C8orf34: variants seen among roughly 807,000 people sequenced by gnomAD.
C8orf34 encodes chromosome 8 open reading frame 34.
Under a neutral mutation model 68.3 loss-of-function variants are expected in C8orf34, and 65 were observed. That is an observed-to-expected ratio of 0.95 (90% CI 0.78 to 1.17). C8orf34 has a LOEUF of 1.17. Ranked by LOEUF, C8orf34 falls within the 50% of genes most tolerant of loss-of-function variation. The pLI, the probability that C8orf34 is intolerant of heterozygous loss-of-function variation, is 0.00. For missense variants in C8orf34, 664 were observed against 655.4 expected (o/e 1.01, Z -0.14); for synonymous variants, 244 against 241.2 (o/e 1.01, Z -0.11).
chr8:68,775,085 A>T (rs1220469388), intron 10 of C8orf34, among the ~76,000 whole-genome samples: 1 of 151,078 alleles, frequency 6.6e-6, no homozygotes, highest in African/African-American at 2.4e-5. Context: ...AAAAAAAAAA[A>T]AGAAGAGTAT....
At chr8:68,747,232 T>C (rs891847110) in intron 10 of C8orf34, among the ~76,000 whole-genome samples, 1 of 151,658 alleles carries the variant, frequency 6.6e-6, no homozygotes, top group Non-Finnish European at 1.5e-5. Flanking sequence ...ATGGGACGTA[T>C]TTCAAAATAA....
chr8:68,780,962 CTTTG>C (rs759338914), intron 11 of C8orf34, among the ~76,000 whole-genome samples: 26 of 152,106 alleles, frequency 1.7e-4, no homozygotes, highest in Admixed American at 5.9e-4. Flanking sequence ...TGGAGTGTGA[CTTTG>C]TTTGTTTTAT....
chr8:68,637,482 G>A (rs1341616034), intron 7 of C8orf34, among the ~76,000 whole-genome samples: 1 of 152,058 alleles, frequency 6.6e-6, no homozygotes, highest in Non-Finnish European at 1.5e-5. Context: ...ATGTGTGCAT[G>A]AAGCAAGCAG....
intron 7 of C8orf34, among the ~76,000 whole-genome samples, chr8:68,620,795 TC>T (rs1226919997): frequency 6.6e-6 from 1 of 151,200 alleles, no homozygotes; most frequent in Non-Finnish European, 1.5e-5. Context: ...TTTTTTTTTT[TC>T]CCCCATTACC....
At chr8:68,761,822 C>T (rs1823032378) in intron 10 of C8orf34, among the ~76,000 whole-genome samples, 1 of 152,180 alleles carries the variant, frequency 6.6e-6, no homozygotes, top group African/African-American at 2.4e-5. Context: ...CTAAAATTCT[C>T]CCCTGCCTCC....
At chr8:68,641,756 T>C (rs1391117399) in intron 8 of C8orf34, among the ~76,000 whole-genome samples, 3 of 152,206 alleles carry the variant, frequency 2.0e-5, no homozygotes, top group Admixed American at 6.5e-5. Context: ...TTTTCTAATC[T>C]ATTGAGGATT....
chr8:68,806,707 C>T (rs991699055), intron 12 of C8orf34, among the ~76,000 whole-genome samples: 19 of 152,126 alleles, frequency 1.2e-4, no homozygotes, highest in Admixed American at 6.5e-5. Context: ...CTAAATCTAT[C>T]GTTTTTATAT....
At chr8:68,370,089 T>C (rs1563383731) in intron 1 of C8orf34, among the ~76,000 whole-genome samples, 1 of 152,170 alleles carries the variant, frequency 6.6e-6, no homozygotes, top group East Asian at 1.9e-4. Flanking sequence ...TTGGAAACTT[T>C]ACCAACTTGG....
chr8:68,577,107 TAC>T (rs1232016360), intron 7 of C8orf34, among the ~76,000 whole-genome samples: 2 of 152,000 alleles, frequency 1.3e-5, no homozygotes, highest in African/African-American at 2.4e-5. Flanking sequence ...TTATTAGAAA[TAC>T]AGACTCTCTT....
At chr8:68,776,575 C>T in intron 11 of C8orf34, 126 bp downstream of exon 11, 1 of 664,834 alleles carries the variant, frequency 1.5e-6, no homozygotes, top group Non-Finnish European at 2.5e-6. Flanking sequence ...TGGTCATGTC[C>T]ACAAAAACAG....
intron 1 of C8orf34, among the ~76,000 whole-genome samples, chr8:68,348,456 C>T (rs547941149): frequency 9.3e-4 from 141 of 151,832 alleles, no homozygotes; most frequent in Admixed American, 1.7e-3. Flanking sequence ...GCTTGTTTAT[C>T]GTTCCATATG....
chr8:68,468,798 A>C lies in C8orf34; in HGVS notation c.714A>C (p.Lys238Asn), dbSNP rs1221214853. 2 of 1,611,016 alleles carry C rather than the reference A, an allele frequency of 1.2e-6. No homozygotes were observed. Among genetic ancestry groups the C allele is most frequent in the Admixed American group, 1.7e-5 (1 of 59,426 alleles). The change falls in exon 4 of 14, where the codon AAA (lysine) becomes AAC (asparagine). Residue 238 changes from lysine (K) to asparagine (N), a missense_variant. Physicochemically the swap from Lys to Asn is moderately conservative, Grantham distance 94 (BLOSUM62 0). Transcript: ENST00000518698. ...HILQESKKLG[K>N]ALENLSRSIA... ...TTCAGGAGAGCAAGAAGCTGGGGAA[A>C]GCCCTTGAGAATCTCTCTCGAAGTA...
intron 12 of C8orf34, chr8:68,791,088 C>T: frequency 1.8e-6 from 1 of 569,210 alleles, no homozygotes; most frequent in Non-Finnish European, 3.1e-6. Flanking sequence ...AGAAGACATG[C>T]AAGACAGTGT....
chr8:68,798,827 G>A (rs1310859591), intron 12 of C8orf34, among the ~76,000 whole-genome samples: 1 of 152,022 alleles, frequency 6.6e-6, no homozygotes, highest in Non-Finnish European at 1.5e-5. Context: ...GATTCCTAAG[G>A]CCCTAGAAAA....
At chr8:68,747,665 A>C (rs1822548769) in intron 10 of C8orf34, among the ~76,000 whole-genome samples, 1 of 152,116 alleles carries the variant, frequency 6.6e-6, no homozygotes, top group Admixed American at 6.5e-5. Flanking sequence ...ATACCTAGGA[A>C]TCCAACTTTC....
At chr8:68,713,580 A>G (rs1821386480) in intron 9 of C8orf34, among the ~76,000 whole-genome samples, 1 of 152,138 alleles carries the variant, frequency 6.6e-6, no homozygotes, top group Non-Finnish European at 1.5e-5. Context: ...TCCTGGAAAT[A>G]TACAACCCTC....
chr8:68,521,182 A>C (rs899152938), intron 5 of C8orf34, among the ~76,000 whole-genome samples: 26 of 152,198 alleles, frequency 1.7e-4, no homozygotes, highest in African/African-American at 6.0e-4. Context: ...ATAACAAAAA[A>C]TCCCTAGCAA....
chr8:68,468,755 ATGAAT>A lies in C8orf34; in HGVS notation c.677_681del (p.Leu226SerfsTer14), dbSNP rs1224496271. ...ACTAAACCACAAAGCCGTGATTTTG[ATGAAT>A]TGAATCACATCCTTCAGGAGAGCAA... is the stretch of plus-strand genomic sequence containing the variant. On this transcript the variant is annotated frameshift_variant, in exon 4 of 14. Transcript: ENST00000518698. LOFTEE classifies it high-confidence loss of function. The A allele has an allele frequency of 6.2e-7, 1 of 1,612,688 alleles. No individual in the cohort carries two copies. Among genetic ancestry groups the A allele is most frequent in the Non-Finnish European group, 8.5e-7 (1 of 1,179,188 alleles).
intron 1 of C8orf34, among the ~76,000 whole-genome samples, chr8:68,402,802 G>T (rs1809015033): frequency 6.6e-6 from 1 of 152,114 alleles, no homozygotes; most frequent in African/African-American, 2.4e-5. Flanking sequence ...TTTTAAAAAT[G>T]TGACTTATTT....
Sources: allele counts gnomAD v4.1 joint callset (sites outside exome capture counted in the v4.1 genomes callset), GRCh38; gene constraint gnomAD v4.1.1; transcripts MANE v1.5; gene names NCBI Gene and HGNC (gene_info 2026-07-23, HGNC 2026-07-21).